The following CALN1 variants were observed in gnomAD, a reference collection of about 807,000 sequenced individuals.
CALN1 encodes calneuron 1, also known as calcium-binding protein 8.
A neutral mutation model predicts 30.6 loss-of-function variants in CALN1; 17 were observed. The observed-to-expected ratio is 0.56, with a 90% confidence interval of 0.38 to 0.83. The LOEUF is 0.83. Ranked by LOEUF, CALN1 falls within the 40% of genes least tolerant of loss-of-function variation. The pLI is 0.00. For synonymous variants in CALN1, 156 were observed against 131.4 expected, an observed-to-expected ratio of 1.19 and a Z score of -1.28; for missense variants, 291 against 354.9, an observed-to-expected ratio of 0.82 and a Z score of 1.45.
intron 3 of CALN1, among the ~76,000 whole-genome samples, chr7:72,179,600 A>G (rs1200935201): frequency 7.1e-6 from 1 of 141,498 alleles, no homozygotes; most frequent in East Asian, 1.9e-4. Context: ...ATGTGTGTAC[A>G]TATATATGTG....
chr7:72,079,186 A>T (rs1804951798), intron 4 of CALN1, among the ~76,000 whole-genome samples: 1 of 152,326 alleles, frequency 6.6e-6, no homozygotes, highest in Non-Finnish European at 1.5e-5. Flanking sequence ...CGAGTAAAGC[A>T]AAGACATCAT....
intron 2 of CALN1, among the ~76,000 whole-genome samples, chr7:72,399,333 C>T (rs545962688): frequency 1.9e-4 from 26 of 134,546 alleles, no homozygotes; most frequent in Non-Finnish European, 3.0e-4. Context: ...TGCAGTGGCG[C>T]GATCTTGGCT....
At chr7:72,312,795 T>A (rs972443127) in intron 2 of CALN1, among the ~76,000 whole-genome samples, 1 of 151,946 alleles carries the variant, frequency 6.6e-6, no homozygotes, top group South Asian at 2.1e-4. Flanking sequence ...TATGGATAAT[T>A]TTAAAATAGA....
chr7:72,227,412 C>A (rs182401410), intron 3 of CALN1, among the ~76,000 whole-genome samples: 1 of 151,550 alleles, frequency 6.6e-6, no homozygotes, highest in South Asian at 2.1e-4. Flanking sequence ...TGGTGACGGG[C>A]GCCTGTAATC....
At chr7:72,169,749 G>A (rs113287027) in intron 3 of CALN1, among the ~76,000 whole-genome samples, 1,944 of 151,666 alleles carry the variant, frequency 0.013, 32 homozygotes, top group African/African-American at 0.04. Flanking sequence ...GAGTACAATC[G>A]CGCGATCTCG....
chr7:71,802,488 G>C (rs1433932080), intron 6 of CALN1, among the ~76,000 whole-genome samples: 4 of 152,070 alleles, frequency 2.6e-5, no homozygotes, highest in Non-Finnish European at 5.9e-5. Flanking sequence ...TCAGAGTTGG[G>C]GTCTTGCTCT....
chr7:72,076,593 C>T (rs1305915962), intron 4 of CALN1, among the ~76,000 whole-genome samples: 4 of 88,848 alleles, frequency 4.5e-5, no homozygotes, highest in Admixed American at 1.9e-4. Context: ...AGTGAAACTC[C>T]GTCTAGAAAA....
intron 5 of CALN1, among the ~76,000 whole-genome samples, chr7:71,957,746 T>C (rs1195712884): frequency 2.6e-5 from 4 of 152,038 alleles, no homozygotes; most frequent in South Asian, 4.1e-4. Flanking sequence ...GGCTGGGTGC[T>C]GTGGCTCACA....
chr7:71,799,450 TTTAGTTAG>T lies in CALN1; in HGVS notation c.658+10878_658+10885del, dbSNP rs199886231. On this transcript the variant is annotated intron_variant, in intron 6 of 6. Transcript: ENST00000395275. ...ATTTATTTATTTATTTATTTATTTATTTAGTTAGTTAGTTAGTTAGTTAGTTAGTTTTT... is the reference window on the plus strand; with the variant it reads ...ATTTATTTATTTATTTATTTATTTATTTAGTTAGTTAGTTAGTTAGTTTTT... Among the ~76,000 whole-genome samples the T allele has an allele frequency of 7.8e-3, 542 of 69,082 alleles. 7 individuals are homozygous for T. Among genetic ancestry groups the T allele is most frequent in the African/African-American group, 0.017 (472 of 27,740 alleles). 45.3% of individuals were successfully genotyped at this position (69,082 alleles called of 152,430 possible).
At chr7:71,845,413 A>AT (rs1294763123) in intron 5 of CALN1, among the ~76,000 whole-genome samples, 1 of 152,162 alleles carries the variant, frequency 6.6e-6, no homozygotes, top group Non-Finnish European at 1.5e-5. Flanking sequence ...GTGTGTTTCA[A>AT]TAACTCACCC....
upstream of CALN1, among the ~76,000 whole-genome samples, chr7:72,417,083 G>A (rs79913053): frequency 2.6e-3 from 398 of 152,348 alleles, 2 homozygotes; most frequent in African/African-American, 9.2e-3. Context: ...CCAGAAACCT[G>A]GAGATATGCT....
At chr7:72,179,062 A>G (rs4717631) in intron 3 of CALN1, among the ~76,000 whole-genome samples, 65,582 of 152,052 alleles carry the variant, frequency 0.43, 15,450 homozygotes, top group East Asian at 0.96. Flanking sequence ...TAAAACTTAG[A>G]TATTTTCTCA....
chr7:72,032,861 C>T (rs1445847849), intron 4 of CALN1, among the ~76,000 whole-genome samples: 1 of 152,138 alleles, frequency 6.6e-6, no homozygotes, highest in East Asian at 1.9e-4. Flanking sequence ...ATGAACAAAA[C>T]CTGTTCAGGC....
the CALN1 span, among the ~76,000 whole-genome samples, chr7:72,499,847 T>C: frequency 4.4e-4 from 14 of 31,648 alleles, 1 homozygote; most frequent in African/African-American, 2.6e-3. Context: ...CTTTCTTTCT[T>C]TCTTTCTTTC....
chr7:71,833,400 C>T (rs1193203036), intron 5 of CALN1, among the ~76,000 whole-genome samples: 4 of 152,130 alleles, frequency 2.6e-5, no homozygotes, highest in East Asian at 1.9e-4. Context: ...ACGGGTAAAA[C>T]AACCAATGCA....
At chr7:71,867,224 AT>A (rs1462206006) in intron 5 of CALN1, among the ~76,000 whole-genome samples, 2 of 152,094 alleles carry the variant, frequency 1.3e-5, no homozygotes, top group Non-Finnish European at 2.9e-5. Context: ...AAACATAAAA[AT>A]CAACAGCTAT....
chr7:72,189,991 A>G (rs1230021428), intron 3 of CALN1, among the ~76,000 whole-genome samples: 2 of 152,158 alleles, frequency 1.3e-5, no homozygotes, highest in African/African-American at 2.4e-5. Flanking sequence ...AGATGTTAGC[A>G]TGTACCAATG....
intron 4 of CALN1, among the ~76,000 whole-genome samples, chr7:72,043,867 A>G (rs1273883003): frequency 1.3e-5 from 2 of 152,240 alleles, no homozygotes; most frequent in Non-Finnish European, 2.9e-5. Flanking sequence ...ACAGTTCCAC[A>G]TGGCTGGGGA....
intron 3 of CALN1, among the ~76,000 whole-genome samples, chr7:72,172,704 A>C (rs577404089): frequency 1.1e-4 from 17 of 152,228 alleles, no homozygotes; most frequent in Non-Finnish European, 2.1e-4. Flanking sequence ...CGACCATTTC[A>C]ATGACTGTAG....
Sources: allele counts gnomAD v4.1 joint callset (sites outside exome capture counted in the v4.1 genomes callset), GRCh38; gene constraint gnomAD v4.1.1; transcripts MANE v1.5; gene names NCBI Gene and HGNC (gene_info 2026-07-23, HGNC 2026-07-21).